Variants in CSMD1 observed in about 807,000 individuals in gnomAD.
CSMD1 encodes CUB and sushi domain-containing protein 1.
Under a neutral mutation model 417.5 loss-of-function variants are expected in CSMD1, and 213 were observed. The ratio of observed to expected loss-of-function variants is 0.51; its 90% CI spans 0.46 to 0.57. The LOEUF (loss-of-function observed/expected upper bound fraction) is 0.57, where lower values mean the gene tolerates loss of function less well. Ranked by LOEUF, CSMD1 falls within the 20% of genes least tolerant of loss-of-function variation. The probability of loss-of-function intolerance (pLI) is 0.00; values close to 1 mark genes in which losing one functional copy is unlikely to be tolerated. For missense variants in CSMD1, 6,923 were observed against 4,529.7 expected (o/e 1.53, Z -15.17); for synonymous variants, 2,862 against 1,736.8 (o/e 1.65, Z -16.11).
chr8:3,077,600 G>T (rs569188343), intron 49 of CSMD1, among the ~76,000 whole-genome samples: 215 of 152,296 alleles, frequency 1.4e-3, no homozygotes, highest in Middle Eastern at 3.4e-3. Flanking sequence ...TCCTGTCTCA[G>T]CTATCTCTAC....
chr8:4,579,577 T>C (rs1294039563), intron 2 of CSMD1, among the ~76,000 whole-genome samples: 1 of 152,106 alleles, frequency 6.6e-6, no homozygotes. Flanking sequence ...TTAGCCAGGC[T>C]GGTCTCGAGA....
chr8:3,467,208 T>C (rs1001830456), intron 12 of CSMD1, among the ~76,000 whole-genome samples: 1 of 152,214 alleles, frequency 6.6e-6, no homozygotes, highest in Non-Finnish European at 1.5e-5. Flanking sequence ...CTCTTCATAG[T>C]CAAGGATGCA....
intron 3 of CSMD1, among the ~76,000 whole-genome samples, chr8:4,249,547 G>C (rs999087658): frequency 6.6e-6 from 1 of 152,188 alleles, no homozygotes; most frequent in Non-Finnish European, 1.5e-5. Context: ...CTCTCAGGGA[G>C]ACCTGAGGAG....
intron 5 of CSMD1, among the ~76,000 whole-genome samples, chr8:3,823,308 A>G (rs943497110): frequency 3.9e-5 from 6 of 152,182 alleles, no homozygotes; most frequent in African/African-American, 9.7e-5. Context: ...CCTGCAAACC[A>G]TCTTCTGGGT....
chr8:4,925,577 C>G (rs574122616), intron 1 of CSMD1, among the ~76,000 whole-genome samples: 2 of 148,674 alleles, frequency 1.3e-5, no homozygotes, highest in Non-Finnish European at 3.0e-5. Flanking sequence ...GACGGAGTCT[C>G]GCTCTGTCTC....
At chr8:3,849,847 G>A (rs146415875) in intron 5 of CSMD1, among the ~76,000 whole-genome samples, 4 of 150,296 alleles carry the variant, frequency 2.7e-5, no homozygotes, top group East Asian at 2.0e-4. Flanking sequence ...ATGGAGTCTC[G>A]CTCTGTCGCC....
intron 1 of CSMD1, among the ~76,000 whole-genome samples, chr8:4,833,516 A>T (rs1272268795): frequency 6.6e-6 from 1 of 152,214 alleles, no homozygotes; most frequent in Non-Finnish European, 1.5e-5. Context: ...CACAGAGCCA[A>T]ACCCTATCAC....
chr8:4,765,056 G>C (rs28678423), intron 1 of CSMD1, among the ~76,000 whole-genome samples: 10,680 of 152,116 alleles, frequency 0.07, 433 homozygotes, highest in South Asian at 0.083. Context: ...TATGTAGAGA[G>C]CTATCACACA....
chr8:4,698,170 A>G (rs1338150248), intron 1 of CSMD1, among the ~76,000 whole-genome samples: 2 of 147,146 alleles, frequency 1.4e-5, no homozygotes, highest in African/African-American at 2.5e-5. Flanking sequence ...ACATAATATT[A>G]TATGCCACAA....
intron 3 of CSMD1, among the ~76,000 whole-genome samples, chr8:4,204,036 A>C (rs1385420558): frequency 6.6e-6 from 1 of 152,140 alleles, no homozygotes; most frequent in African/African-American, 2.4e-5. Flanking sequence ...AGTGGGCAGA[A>C]GTTGCGGTGA....
chr8:4,193,116 C>T (rs1053057461), intron 3 of CSMD1, among the ~76,000 whole-genome samples: 11 of 152,132 alleles, frequency 7.2e-5, no homozygotes, highest in Admixed American at 2.0e-4. Flanking sequence ...ACTTTGAATT[C>T]TCTGAGCTTT....
Position 3,396,072 on chromosome 8 carries a change from G to A in CSMD1, c.2593+122C>T, listed in dbSNP as rs1000231143. On this transcript the variant is annotated intron_variant, in intron 17 of 69. Coordinates refer to ENST00000635120, the MANE Select transcript of CSMD1 (RefSeq NM_033225.6). ...TCTTACAATTGCATAGTATGGTTTT[G>A]CTAGAGTCAAGCAGGATCAGTAAAC... is the stretch of plus-strand genomic sequence containing the variant. 4 of 786,606 alleles carry A rather than the reference G, an allele frequency of 5.1e-6. No individual in the cohort carries two copies. In the South Asian group the frequency reaches 5.4e-5, roughly 11 times the overall value. 48.7% of individuals were successfully genotyped at this position (786,606 alleles called of 1,614,324 possible).
chr8:3,562,403 C>CACACACACGT (rs1554470699), intron 10 of CSMD1, among the ~76,000 whole-genome samples: 222 of 142,952 alleles, frequency 1.6e-3, no homozygotes, highest in Admixed American at 3.6e-3. Context: ...CACATGCATA[C>CACACACACGT]ACACACATGC....
chr8:3,257,597 TG>T (rs1243470743), intron 26 of CSMD1, among the ~76,000 whole-genome samples: 4 of 152,156 alleles, frequency 2.6e-5, no homozygotes, highest in Admixed American at 6.5e-5. Context: ...GAAGTTCCCC[TG>T]AGATGATGAC....
chr8:3,062,053 C>T (rs1812621898), intron 49 of CSMD1, among the ~76,000 whole-genome samples: 1 of 152,170 alleles, frequency 6.6e-6, no homozygotes, highest in Non-Finnish European at 1.5e-5. Flanking sequence ...CACCTATCAA[C>T]ATTCAATCAA....
intron 7 of CSMD1, among the ~76,000 whole-genome samples, chr8:3,655,879 A>G (rs1018056685): frequency 1.3e-5 from 2 of 152,176 alleles, no homozygotes; most frequent in Non-Finnish European, 2.9e-5. Context: ...TTTGGAAAGA[A>G]TAGAACATGC....
intron 52 of CSMD1, among the ~76,000 whole-genome samples, chr8:3,011,332 G>C (rs1808367605): frequency 6.6e-6 from 1 of 152,136 alleles, no homozygotes; most frequent in African/African-American, 2.4e-5. Flanking sequence ...AGATGGGGGT[G>C]GGGCAGGGGA....
At chr8:4,330,253 G>C (rs529858149) in intron 3 of CSMD1, among the ~76,000 whole-genome samples, 5 of 152,038 alleles carry the variant, frequency 3.3e-5, no homozygotes, top group South Asian at 2.1e-4. Context: ...AGATCCAGTA[G>C]GACTCTGTCT....
chr8:4,792,696 G>A (rs1323948234), intron 1 of CSMD1, among the ~76,000 whole-genome samples: 1 of 152,088 alleles, frequency 6.6e-6, no homozygotes, highest in Non-Finnish European at 1.5e-5. Context: ...AGAACCAAAA[G>A]GAACAATTCT....
Sources: allele counts gnomAD v4.1 joint callset (sites outside exome capture counted in the v4.1 genomes callset), GRCh38; gene constraint gnomAD v4.1.1; transcripts MANE v1.5; gene names NCBI Gene and HGNC (gene_info 2026-07-23, HGNC 2026-07-21).